The following PLPP2 variants were observed in gnomAD, a reference collection of about 807,000 sequenced individuals.
PLPP2 encodes phospholipid phosphatase 2.
In PLPP2, 29 loss-of-function variants were observed where a neutral mutation model predicts 35.2. That is an observed-to-expected ratio of 0.82 (90% CI 0.61 to 1.12). PLPP2 has a LOEUF of 1.12. Among genes scored for constraint, PLPP2 ranks in the 50% most tolerant of loss-of-function variants. The probability of loss-of-function intolerance (pLI) is 0.00; values close to 1 mark genes in which losing one functional copy is unlikely to be tolerated. For synonymous variants in PLPP2, 162 were observed against 167.0 expected (o/e 0.97, Z 0.23); for missense variants, 353 against 375.2 (o/e 0.94, Z 0.49).
At chr19:286,359 G>A (rs1970271892) in intron 3 of PLPP2, 1 of 151,774 alleles carries the variant, frequency 6.6e-6, no homozygotes, top group Admixed American at 6.6e-5. Flanking sequence ...CGTAGTACCA[G>A]CTACTTGGAA....
chr19:287,900 T>C lies in PLPP2; in HGVS notation c.204+120A>G. On this transcript the variant is annotated intron_variant, in intron 2 of 5. Coordinates refer to ENST00000434325, the MANE Select transcript of PLPP2 (RefSeq NM_003712.4). This position sits in a 1 kb window ranked among gnomAD's most constrained non-coding sequence, Gnocchi z 4.3. ...AGGTACCACTCAGGGCAAGGCTGTGTCCCCCGGCCCCACACAGACCTCCAG... is the reference window on the plus strand; with the variant it reads ...AGGTACCACTCAGGGCAAGGCTGTGCCCCCCGGCCCCACACAGACCTCCAG... 1 of 1,506,226 alleles carries C rather than the reference T, an allele frequency of 6.6e-7. No homozygotes were observed. Among genetic ancestry groups the C allele is most frequent in the Non-Finnish European group, 9.0e-7 (1 of 1,115,392 alleles). The allele number at this position is 1,506,226 out of a possible 1,614,324, so 93.3% of individuals were successfully genotyped here. A position where few individuals can be genotyped will look rare whatever the true frequency, so the allele number is the denominator to read the frequency against.
chr19:287,335 C>A lies in PLPP2; in HGVS notation c.482+139G>T. On this transcript the variant is annotated intron_variant, in intron 3 of 5. Transcript: ENST00000434325. The surrounding 1 kb of genome is among the most constrained non-coding windows in gnomAD (Gnocchi z 4.3). The stretch of plus-strand genomic sequence containing the variant: ...AACTTCAAAAACATACAAGAATGCA[C>A]TAACTTATACAAAAATTAGCCGGGC... 9.2e-7 allele frequency: 1 copy of A among 1,085,196 alleles called. No individual in the cohort carries two copies. Among genetic ancestry groups the A allele is most frequent in the South Asian group, 1.6e-5 (1 of 64,488 alleles). 67.2% of individuals were successfully genotyped at this position (1,085,196 alleles called of 1,614,324 possible). A position where few individuals can be genotyped will look rare whatever the true frequency, so the allele number is the denominator to read the frequency against.
At chr19:288,328 A>AT (rs1970312976) in intron 1 of PLPP2, 157 bp from the exon 2 acceptor site, 1 of 626,210 alleles carries the variant, frequency 1.6e-6, no homozygotes. Flanking sequence ...TCCCTTTCGC[A>AT]TCCCCTCAGA....
Position 287,739 on chromosome 19 carries a change from CCCCGGCCGAGA to C in PLPP2, c.206_216del (p.Val69GlyfsTer84). 2 of 1,613,438 alleles carry C rather than the reference CCCCGGCCGAGA, an allele frequency of 1.2e-6. No homozygotes were observed. Among genetic ancestry groups the C allele is most frequent in the Non-Finnish European group, 1.7e-6 (2 of 1,179,864 alleles). On this transcript the variant is annotated frameshift_variant and splice_region_variant, in exon 3 of 6. Coordinates refer to ENST00000434325, the MANE Select transcript of PLPP2 (RefSeq NM_003712.4). LOFTEE classifies it high-confidence loss of function. This position sits in a 1 kb window ranked among gnomAD's most constrained non-coding sequence, Gnocchi z 4.3. ...CGGTCTGTGTACACCAGGTAGGCTT[CCCCGGCCGAGA>C]CCTGCAAGAGCAGCCGCAGGAACCA...
At position 282,203 on chromosome 19, in the gene PLPP2, A is replaced by G. The variant is rs750704822; in HGVS notation, c.648T>C (p.Ser216=). 2.5e-6 allele frequency: 4 copies of G among 1,613,880 alleles called. No homozygotes were observed. Among genetic ancestry groups the G allele is most frequent in the Admixed American group, 1.7e-5 (1 of 59,996 alleles). The part of the protein sequence containing the change: ...FALYVGYTRV[S]DYKHHWSDVL... ...CATCGCTCCAGTGGTGTTTGTAATC[A>G]GACACGCGGGTGTAGCCCACGTAGA... Residue 216 remains serine (S), a synonymous_variant, in exon 5 of 6, where the codon TCT becomes TCC. Coordinates refer to ENST00000434325, the MANE Select transcript of PLPP2 (RefSeq NM_003712.4).
chr19:282,718 C>T (rs1258257565), intron 4 of PLPP2, 34 bp downstream of exon 4: 1 of 1,592,596 alleles, frequency 6.3e-7, no homozygotes, highest in South Asian at 1.1e-5. Flanking sequence ...GCCATGGTTC[C>T]CCCGAAAAGC....
At position 288,144 on chromosome 19, in the gene PLPP2, A is replaced by T; in HGVS notation, c.80T>A (p.Leu27Gln). Reference protein sequence around the residue: ...VASLPFAILTLVNAPYKRGFY... With the variant: ...VASLPFAILTQVNAPYKRGFY... ...TCCTCGCTTGTACGGGGCGTTCACC[A>T]GCGTCAGGATAGCGAAGGGCAGGGA... Residue 27 changes from leucine (L) to glutamine (Q), a missense_variant, in exon 2 of 6, where the codon CTG becomes CAG. Leu to Gln is a moderately radical substitution (Grantham distance 113, BLOSUM62 -2). Coordinates refer to ENST00000434325, the MANE Select transcript of PLPP2 (RefSeq NM_003712.4). The T allele has an allele frequency of 1.2e-6, 2 of 1,603,970 alleles. No homozygotes were observed.
At position 281,905 on chromosome 19, in the gene PLPP2, G is replaced by A. The variant is rs1178951171; in HGVS notation, c.717+229C>T. 49 of 557,828 alleles carry A rather than the reference G, an allele frequency of 8.8e-5. No individual in the cohort carries two copies. The East Asian group carries it at 1.1e-3, about 12-fold the overall frequency. 34.6% of individuals were successfully genotyped at this position (557,828 alleles called of 1,614,324 possible). A position where few individuals can be genotyped will look rare whatever the true frequency, so the allele number is the denominator to read the frequency against. On this transcript the variant is annotated intron_variant, in intron 5 of 5. Transcript: ENST00000434325. ...GGGAGGACTTTGGGGGTAATGAAGAGGGTCCAGGTAAGGACTGGGACTGGG... is the reference window on the plus strand; with the variant it reads ...GGGAGGACTTTGGGGGTAATGAAGAAGGTCCAGGTAAGGACTGGGACTGGG...
At chr19:284,666 T>C (rs1337928071) in intron 3 of PLPP2, 2 of 152,262 alleles carry the variant, frequency 1.3e-5, no homozygotes, top group South Asian at 2.1e-4. Context: ...CAAAGGAATA[T>C]GAGAACAATG....
intron 3 of PLPP2, 153 bp from the exon 4 acceptor site, chr19:282,962 C>T: frequency 1.5e-6 from 1 of 667,632 alleles, no homozygotes; most frequent in South Asian, 1.8e-5. Context: ...CTTTTCTGTT[C>T]CAGTCATCTG....
In PLPP2 at chr19:287,936, T is replaced by C. The variant is rs1340833071; in HGVS notation, c.204+84A>G. The C allele has an allele frequency of 7.7e-6, 12 of 1,555,702 alleles. No homozygotes were observed. Among genetic ancestry groups the C allele is most frequent in the Non-Finnish European group, 9.6e-6 (11 of 1,146,124 alleles). On this transcript the variant is annotated intron_variant, in intron 2 of 5. Coordinates refer to ENST00000434325, the MANE Select transcript of PLPP2 (RefSeq NM_003712.4). This position sits in a 1 kb window ranked among gnomAD's most constrained non-coding sequence, Gnocchi z 4.3. ...CACACAGACCTCCAGGGCAGGGCTG[T>C]GCCACCCCCCCATCAGGCCCCCAGG...
chr19:291,262 A>T (rs1427282057), intron 1 of PLPP2, 23 bp downstream of exon 1: 2 of 1,597,412 alleles, frequency 1.3e-6, no homozygotes, highest in Admixed American at 3.4e-5. Flanking sequence ...TCCCCCCAAC[A>T]CCCGGGTCCC....
Position 290,882 on chromosome 19 carries a change from G to T in PLPP2, c.52+403C>A, listed in dbSNP as rs907925300. 14 of 1,162,910 alleles carry T rather than the reference G, an allele frequency of 1.2e-5. No individual in the cohort carries two copies. In the African/African-American group the frequency reaches 2.1e-4, roughly 17 times the overall value. The allele number at this position is 1,162,910 out of a possible 1,614,324, so 72.0% of individuals were successfully genotyped here. On this transcript the variant is annotated intron_variant, in intron 1 of 5. Transcript: ENST00000434325. ...CGCGCAGCGGGAGCGCCCACCCCAG[G>T]GGCGGAGGCGCGGACGTCCTGCCGG...
rs895612427 is a variant in PLPP2 at position 281,166 on chromosome 19, G to T, written c.*222C>A. The T allele has an allele frequency of 7.5e-6, 3 of 400,290 alleles. No individual in the cohort carries two copies. Among genetic ancestry groups the T allele is most frequent in the African/African-American group, 6.2e-5 (3 of 48,700 alleles). The allele number at this position is 400,290 out of a possible 1,614,324, so 24.8% of individuals were successfully genotyped here. ...AAAAAGAAGGGGATATTTGGGGACC[G>T]ACGGGAACAGGTTCCCCTCCAAATG... On this transcript the variant is annotated 3_prime_UTR_variant, in exon 6 of 6. Coordinates refer to ENST00000434325, the MANE Select transcript of PLPP2 (RefSeq NM_003712.4).
At chr19:291,227 C>CG in intron 1 of PLPP2, 58 bp downstream of exon 1, 1 of 1,594,010 alleles carries the variant, frequency 6.3e-7, no homozygotes, top group Admixed American at 1.7e-5. Flanking sequence ...TGCGCGCAGC[C>CG]GGGGGCGTGT....
intron 4 of PLPP2, 33 bp downstream of exon 4, chr19:282,719 C>T: frequency 6.3e-7 from 1 of 1,596,792 alleles, no homozygotes; most frequent in South Asian, 1.1e-5. Flanking sequence ...CCATGGTTCC[C>T]CCGAAAAGCA....
Position 287,953 on chromosome 19 carries a change from G to A in PLPP2, c.204+67C>T. ...CAGGGCTGTGCCACCCCCCCATCAGGCCCCCAGGGTAAAGCTGGCCCCACC... is the reference window on the plus strand; with the variant it reads ...CAGGGCTGTGCCACCCCCCCATCAGACCCCCAGGGTAAAGCTGGCCCCACC... On this transcript the variant is annotated intron_variant, in intron 2 of 5. Coordinates refer to ENST00000434325, the MANE Select transcript of PLPP2 (RefSeq NM_003712.4). The surrounding 1 kb of genome is among the most constrained non-coding windows in gnomAD (Gnocchi z 4.3). 6.6e-7 allele frequency: 1 copy of A among 1,520,078 alleles called. No individual in the cohort carries two copies. The highest frequency in any genetic ancestry group is 8.8e-7 in the Non-Finnish European group (1 of 1,133,490). The allele number at this position is 1,520,078 out of a possible 1,614,324, so 94.2% of individuals were successfully genotyped here. A position where few individuals can be genotyped will look rare whatever the true frequency, so the allele number is the denominator to read the frequency against.
Position 287,664 on chromosome 19 carries a change from C to G in PLPP2, c.292G>C (p.Val98Leu). 1 of 1,613,974 alleles carries G rather than the reference C, an allele frequency of 6.2e-7. No homozygotes were observed. Among genetic ancestry groups the G allele is most frequent in the Non-Finnish European group, 8.5e-7 (1 of 1,180,036 alleles). Reference protein sequence around the residue: ...FNNYVAAVYKVLGTFLFGAAV... With the variant: ...FNNYVAAVYKLLGTFLFGAAV... ...GCCCCAAACAGGAAGGTCCCCAGCA[C>G]CTTGTATACAGCAGCCACGTAGTTG... Residue 98 changes from valine to leucine, a missense_variant, in exon 3 of 6, where the codon GTG becomes CTG. By Grantham distance (32) the Val-to-Leu change is conservative. Transcript: ENST00000434325. This position sits in a 1 kb window ranked among gnomAD's most constrained non-coding sequence, Gnocchi z 4.3.
intron 1 of PLPP2, chr19:290,971 G>A (rs1298257268): frequency 1.0e-5 from 13 of 1,246,024 alleles, no homozygotes; most frequent in Non-Finnish European, 1.2e-5. Context: ...CAGGCGGGGC[G>A]GGATGGAGGC....
Sources: gnomAD v4.1 joint callset for allele counts on GRCh38, gnomAD v4.1.1 for gene constraint, Gnocchi (gnomAD v3.1) non-coding constraint, MANE v1.5 for transcripts, NCBI Gene and HGNC (gene_info 2026-07-23, HGNC 2026-07-21) for gene names.